The following DCC variants were observed in gnomAD, a reference collection of about 807,000 sequenced individuals.
DCC encodes netrin receptor DCC.
A neutral mutation model predicts 172.5 loss-of-function variants in DCC; 58 were observed. The observed-to-expected ratio is 0.34, with a 90% CI of 0.27 to 0.42. The LOEUF is 0.42. Ranked by LOEUF, DCC falls within the 10% of genes least tolerant of loss-of-function variation. DCC has a pLI of 1.00. For synonymous variants in DCC, 709 were observed against 644.5 expected, an observed-to-expected ratio of 1.10 and a Z score of -1.52; for missense variants, 1,740 against 1,791.0, an observed-to-expected ratio of 0.97 and a Z score of 0.51.
At chr18:52,900,524 G>A (rs1482916287) in intron 2 of DCC, among the ~76,000 whole-genome samples, 2 of 152,152 alleles carry the variant, frequency 1.3e-5, no homozygotes, top group East Asian at 3.8e-4. Context: ...TTTTGATGCT[G>A]AAGCCCAGGC....
chr18:52,667,243 A>G lies in DCC; in HGVS notation c.92-84811A>G, dbSNP rs2035472569. 2.6e-5 allele frequency among the ~76,000 whole-genome samples: 4 copies of G among 152,338 alleles called. No homozygotes were observed. The South Asian group carries it at 8.3e-4, about 32-fold the overall frequency. On this transcript the variant is annotated intron_variant, in intron 1 of 28. Coordinates refer to ENST00000442544, the MANE Select transcript of DCC (RefSeq NM_005215.4). ...TGAAGGTAACTTTGGTGGAATTAGG[A>G]GTTGGTTTGCCCCAACCCCCAAATG...
At chr18:53,403,523 A>G (rs2145039047) in intron 19 of DCC, among the ~76,000 whole-genome samples, 1 of 152,346 alleles carries the variant, frequency 6.6e-6, no homozygotes, top group Middle Eastern at 3.4e-3. Context: ...TTAATTTAGT[A>G]TGAAAAATAT....
chr18:52,368,191 C>T (rs1255630402), intron 1 of DCC, among the ~76,000 whole-genome samples: 2 of 152,296 alleles, frequency 1.3e-5, no homozygotes, highest in Non-Finnish European at 2.9e-5. Context: ...GGAGTAGTCA[C>T]GAGGTGCAAT....
Position 53,215,529 on chromosome 18 carries a change from T to C in DCC, c.1862-19T>C, listed in dbSNP as rs752283148. 6.2e-7 allele frequency: 1 copy of C among 1,611,302 alleles called. No individual in the cohort carries two copies. Among genetic ancestry groups the C allele is most frequent in the Non-Finnish European group, 8.5e-7 (1 of 1,177,462 alleles). ...AAGATTTTGGCAGTAACTGTGACAATTTGTTTGATTCCTTTTAGTGCCAAG... is the reference window on the plus strand; with the variant it reads ...AAGATTTTGGCAGTAACTGTGACAACTTGTTTGATTCCTTTTAGTGCCAAG... On this transcript the variant is annotated intron_variant, in intron 11 of 28. Transcript: ENST00000442544.
intron 1 of DCC, among the ~76,000 whole-genome samples, chr18:52,718,023 T>C (rs1179334394): frequency 4.6e-5 from 7 of 152,184 alleles, no homozygotes; most frequent in Admixed American, 6.5e-5. Context: ...CTCAGGAGAT[T>C]AGCTGCCATT....
intron 1 of DCC, among the ~76,000 whole-genome samples, chr18:52,477,097 C>A (rs182926033): frequency 6.6e-6 from 1 of 152,116 alleles, no homozygotes; most frequent in East Asian, 1.9e-4. Flanking sequence ...CTCTGCAGGA[C>A]GGATTCATTT....
intron 5 of DCC, among the ~76,000 whole-genome samples, chr18:52,982,264 T>C (rs1046493966): frequency 6.6e-6 from 1 of 152,156 alleles, no homozygotes; most frequent in Non-Finnish European, 1.5e-5. Flanking sequence ...AGTGGTATAC[T>C]CACAAGAGGG....
At chr18:53,055,982 C>T (rs1340024137) in intron 5 of DCC, among the ~76,000 whole-genome samples, 6 of 152,024 alleles carry the variant, frequency 3.9e-5, no homozygotes, top group Admixed American at 2.6e-4. Flanking sequence ...TTAGAAATAC[C>T]GTTACCTAGA....
At chr18:52,486,952 C>T (rs2030255097) in intron 1 of DCC, among the ~76,000 whole-genome samples, 1 of 152,110 alleles carries the variant, frequency 6.6e-6, no homozygotes, top group African/African-American at 2.4e-5. Context: ...ACAAGAAAAA[C>T]TCTTTTAGGC....
At chr18:52,795,791 T>C (rs1286422183) in intron 2 of DCC, among the ~76,000 whole-genome samples, 1 of 151,978 alleles carries the variant, frequency 6.6e-6, no homozygotes, top group East Asian at 1.9e-4. Context: ...GCATACTGTT[T>C]TTCGTTCTTA....
At chr18:52,909,038 G>A (rs889309422) in intron 3 of DCC, among the ~76,000 whole-genome samples, 2 of 152,074 alleles carry the variant, frequency 1.3e-5, no homozygotes, top group Admixed American at 6.6e-5. Context: ...AGTTGGTTTA[G>A]AGGTCAAATT....
chr18:53,063,246 G>A, intron 5 of DCC, 59 bp from the exon 6 acceptor site: 1 of 1,515,366 alleles, frequency 6.6e-7, no homozygotes, highest in Non-Finnish European at 9.2e-7. Flanking sequence ...GAAGACCTCA[G>A]CAGCATGCAA....
intron 1 of DCC, among the ~76,000 whole-genome samples, chr18:52,412,491 T>C (rs1986876304): frequency 6.6e-6 from 1 of 152,158 alleles, no homozygotes; most frequent in African/African-American, 2.4e-5. Context: ...TACATATTTA[T>C]ATAGGCATGT....
chr18:52,959,562 C>A (rs1388284896), intron 5 of DCC, among the ~76,000 whole-genome samples: 1 of 152,034 alleles, frequency 6.6e-6, no homozygotes, highest in East Asian at 1.9e-4. Context: ...CTCCCTTCCT[C>A]CCCACTTTTT....
At chr18:52,849,097 G>A (rs1475460457) in intron 2 of DCC, among the ~76,000 whole-genome samples, 1 of 152,032 alleles carries the variant, frequency 6.6e-6, no homozygotes, top group East Asian at 1.9e-4. Context: ...CCTACTCTGT[G>A]TGTGTGTGTG....
intron 1 of DCC, among the ~76,000 whole-genome samples, chr18:52,497,022 G>A (rs1417727203): frequency 7.9e-5 from 12 of 151,574 alleles, no homozygotes; most frequent in African/African-American, 2.7e-4. Context: ...GGGAAGTTAA[G>A]GCAGGAGGGT....
chr18:53,348,272 G>C (rs1407163985), intron 15 of DCC, among the ~76,000 whole-genome samples: 1 of 152,158 alleles, frequency 6.6e-6, no homozygotes, highest in African/African-American at 2.4e-5. Context: ...TAGGCCCCAT[G>C]AAAGTCCAAA....
At chr18:53,423,092 C>A (rs1478238233) in intron 21 of DCC, among the ~76,000 whole-genome samples, 1 of 152,156 alleles carries the variant, frequency 6.6e-6, no homozygotes, top group Non-Finnish European at 1.5e-5. Context: ...TAATAGGTAA[C>A]TCTGAAGGAA....
intron 12 of DCC, among the ~76,000 whole-genome samples, chr18:53,261,457 G>GGTC (rs890444651): frequency 8.5e-5 from 13 of 152,192 alleles, no homozygotes; most frequent in African/African-American, 3.1e-4. Context: ...TAAGGAGCTG[G>GGTC]GTCATACTTA....
Sources: allele counts gnomAD v4.1 joint callset (sites outside exome capture counted in the v4.1 genomes callset), GRCh38; gene constraint gnomAD v4.1.1; transcripts MANE v1.5; gene names NCBI Gene and HGNC (gene_info 2026-07-23, HGNC 2026-07-21).